Variants in OGFRL1 observed in about 807,000 individuals in gnomAD.
OGFRL1 encodes opioid growth factor receptor like 1.
In OGFRL1, 26 loss-of-function variants were observed where a neutral mutation model predicts 32.4. The observed-to-expected ratio is 0.80, with a 90% confidence interval of 0.59 to 1.11. OGFRL1 has a LOEUF of 1.11. OGFRL1 is among the 50% of genes most tolerant of loss of function. The probability of loss-of-function intolerance (pLI) is 0.00; values close to 1 mark genes in which losing one functional copy is unlikely to be tolerated. For missense variants in OGFRL1, 521 were observed against 546.4 expected, an observed-to-expected ratio of 0.95 and a Z score of 0.46; for synonymous variants, 211 against 201.2, an observed-to-expected ratio of 1.05 and a Z score of -0.41.
At chr6:71,293,719 CTAA>C (rs1766119984) in intron 3 of OGFRL1, 108 bp downstream of exon 3, 2 of 705,386 alleles carry the variant, frequency 2.8e-6, no homozygotes, top group Non-Finnish European at 4.8e-6. Flanking sequence ...GCTATGCAGT[CTAA>C]TGTGTCCCCT....
At position 71,301,553 on chromosome 6, in the gene OGFRL1, T is replaced by C; in HGVS notation, c.860T>C (p.Ile287Thr). 6.2e-7 allele frequency: 1 copy of C among 1,614,134 alleles called. No homozygotes were observed. The highest frequency in any genetic ancestry group is 8.5e-7 in the Non-Finnish European group (1 of 1,180,036). Residue 287 changes from isoleucine to threonine, a missense_variant, in exon 7 of 7, where the codon ATT becomes ACT. Coordinates refer to ENST00000370435, the MANE Select transcript of OGFRL1 (RefSeq NM_024576.5). ...QSALEYFVYT[I>T]RDRRERRKLL... The stretch of plus-strand genomic sequence containing the variant: ...GCTCTAGAGTATTTTGTTTATACAA[T>C]TAGAGACAGAAGAGAAAGGAGAAAG...
chr6:71,290,267 A>G (rs1489501276), intron 1 of OGFRL1, among the ~76,000 whole-genome samples: 1 of 152,280 alleles, frequency 6.6e-6, no homozygotes, highest in African/African-American at 2.4e-5. Context: ...TGCAAACCCA[A>G]GTCTATCTAT....
chr6:71,296,470 A>T, intron 4 of OGFRL1, 25 bp from the exon 5 acceptor site: 1 of 1,595,442 alleles, frequency 6.3e-7, no homozygotes, highest in Non-Finnish European at 8.6e-7. Flanking sequence ...TTAATAGAAA[A>T]ATTTTATTTT....
intron 3 of OGFRL1, among the ~76,000 whole-genome samples, chr6:71,294,221 G>A (rs1022219896): frequency 6.6e-6 from 1 of 152,076 alleles, no homozygotes; most frequent in African/African-American, 2.4e-5. Context: ...AACCCATAGT[G>A]AGAAGATGCA....
chr6:71,301,438 C>G lies in OGFRL1; in HGVS notation c.745C>G (p.Leu249Val). The change falls in exon 7 of 7, where the codon CTT (leucine) becomes GTT (valine). Residue 249 changes from leucine to valine, a missense_variant. Transcript: ENST00000370435. ...TCGTATTCTTAAAAGCCTTGGTGAG[C>G]TTGGATATGAAAGTTTTAAATCTCC... ...ITRILKSLGE[L>V]GYESFKSPLV... 6.2e-7 allele frequency: 1 copy of G among 1,609,712 alleles called. No individual in the cohort carries two copies. The highest frequency in any genetic ancestry group is 8.5e-7 in the Non-Finnish European group (1 of 1,178,826).
In OGFRL1 at chr6:71,307,708, TA is replaced by T. The variant is rs748293397; in HGVS notation, c.*5660del. On this transcript the variant is annotated 3_prime_UTR_variant, in exon 7 of 7. Transcript: ENST00000370435. ...ACTTTGTGTAACAATTTACGTTAAC[TA>T]GAAAAATTAGATATATAATAAGTTT... is the stretch of plus-strand genomic sequence containing the variant. 1 of 152,190 alleles carries T rather than the reference TA, an allele frequency of 6.6e-6. No homozygotes were observed. Among genetic ancestry groups the T allele is most frequent in the Non-Finnish European group, 1.5e-5 (1 of 68,026 alleles). 9.4% of individuals were successfully genotyped at this position (152,190 alleles called of 1,614,324 possible). A position where few individuals can be genotyped will look rare whatever the true frequency, so the allele number is the denominator to read the frequency against.
At position 71,303,320 on chromosome 6, in the gene OGFRL1, A is replaced by G. The variant is rs1322759; in HGVS notation, c.*1271A>G. ...CCCCTACAGATATCAAGGGACCACTATACACATTAGGATGATCTATATTGA... is the reference window on the plus strand; with the variant it reads ...CCCCTACAGATATCAAGGGACCACTGTACACATTAGGATGATCTATATTGA... On this transcript the variant is annotated 3_prime_UTR_variant, in exon 7 of 7. Coordinates refer to ENST00000370435, the MANE Select transcript of OGFRL1 (RefSeq NM_024576.5). 25,384 of 152,186 alleles carry G rather than the reference A, an allele frequency of 0.17. 2,680 individuals carry two copies. Among genetic ancestry groups the G allele is most frequent in the African/African-American group, 0.28 (11,462 of 41,498 alleles). 9.4% of individuals were successfully genotyped at this position (152,186 alleles called of 1,614,324 possible).
Position 71,302,563 on chromosome 6 carries a change from C to T in OGFRL1, c.*514C>T, listed in dbSNP as rs1272044723. On this transcript the variant is annotated 3_prime_UTR_variant, in exon 7 of 7. Transcript: ENST00000370435. Reference sequence around the variant, plus strand: ...CTCGGCTCACTGCAACCTCTGCCTCCTGGACTCAAACGATTCTCCTGCCTC... The same window carrying T: ...CTCGGCTCACTGCAACCTCTGCCTCTTGGACTCAAACGATTCTCCTGCCTC... The T allele has an allele frequency of 6.6e-6, 1 of 152,384 alleles. No homozygotes were observed. Among genetic ancestry groups the T allele is most frequent in the African/African-American group, 2.4e-5 (1 of 41,430 alleles). 9.4% of individuals were successfully genotyped at this position (152,384 alleles called of 1,614,324 possible). A position where few individuals can be genotyped will look rare whatever the true frequency, so the allele number is the denominator to read the frequency against.
intron 6 of OGFRL1, among the ~76,000 whole-genome samples, chr6:71,298,688 T>C (rs1766289296): frequency 6.6e-6 from 1 of 152,302 alleles, no homozygotes; most frequent in South Asian, 2.1e-4. Flanking sequence ...ATAGAGCTTT[T>C]CCAGCTGTGA....
chr6:71,293,554 C>CA lies in OGFRL1; in HGVS notation c.347dup (p.Asn116LysfsTer2). The stretch of plus-strand genomic sequence containing the variant: ...GCAGAACTTCAAAGATATCCGATAT[C>CA]AAAATGACTTGAGCAATCTTCGTTT... On this transcript the variant is annotated frameshift_variant, in exon 3 of 7. Coordinates refer to ENST00000370435, the MANE Select transcript of OGFRL1 (RefSeq NM_024576.5). LOFTEE classifies it high-confidence loss of function. The CA allele has an allele frequency of 1.2e-6, 2 of 1,612,876 alleles. No homozygotes were observed. Among genetic ancestry groups the CA allele is most frequent in the Non-Finnish European group, 1.7e-6 (2 of 1,179,268 alleles).
In OGFRL1 at chr6:71,303,651, T is replaced by C. The variant is rs765005260; in HGVS notation, c.*1602T>C. 1 of 152,212 alleles carries C rather than the reference T, an allele frequency of 6.6e-6. No homozygotes were observed. Among genetic ancestry groups the C allele is most frequent in the Non-Finnish European group, 1.5e-5 (1 of 68,020 alleles). The allele number at this position is 152,212 out of a possible 1,614,324, so 9.4% of individuals were successfully genotyped here. A position where few individuals can be genotyped will look rare whatever the true frequency, so the allele number is the denominator to read the frequency against. ...CTATGGATTACGAAATTAGTAATGT[T>C]GCTTAGCCCAAACGTGTTTTTTAAA... On this transcript the variant is annotated 3_prime_UTR_variant, in exon 7 of 7. Transcript: ENST00000370435.
chr6:71,296,399 AG>A lies in OGFRL1; in HGVS notation c.479+5del. The A allele has an allele frequency of 6.2e-7, 1 of 1,609,586 alleles. No homozygotes were observed. The highest frequency in any genetic ancestry group is 1.7e-5 in the Admixed American group (1 of 59,916). ...ACAACCACACTTACATTCAATGGTC[AG>A]TTACATATTATCTATCTTGAACCAT... On this transcript the variant is annotated splice_donor_5th_base_variant and intron_variant, in intron 4 of 6. Transcript: ENST00000370435.
In OGFRL1 at chr6:71,288,929, C is replaced by G; in HGVS notation, c.-8C>G. On this transcript the variant is annotated 5_prime_UTR_variant, in exon 1 of 7. Transcript: ENST00000370435. The stretch of plus-strand genomic sequence containing the variant: ...CCCCGCAGCCCCGCGCCCGCCGCCG[C>G]CTCTTCAATGGGCAACCTGCTCGGC... 7.4e-7 allele frequency: 1 copy of G among 1,350,476 alleles called. No homozygotes were observed. The highest frequency in any genetic ancestry group is 9.7e-7 in the Non-Finnish European group (1 of 1,034,768). 83.7% of individuals were successfully genotyped at this position (1,350,476 alleles called of 1,614,324 possible).
At chr6:71,297,376 C>T (rs1280967636) in intron 6 of OGFRL1, among the ~76,000 whole-genome samples, 3 of 152,084 alleles carry the variant, frequency 2.0e-5, no homozygotes, top group Non-Finnish European at 4.4e-5. Flanking sequence ...AGTCCCAAAA[C>T]TTATGAAGAA....
chr6:71,296,693 G>A lies in OGFRL1; in HGVS notation c.568G>A (p.Ala190Thr). ...EIEEFKKTKE[A>T]IRRFLLAYKM... is the part of the protein sequence containing the mutation. ...TTAGGAATTCAAAAAAACAAAAGAA[G>A]CAATTAGAAGATTCCTCCTGGCTTA... is the stretch of plus-strand genomic sequence containing the variant. The change falls in exon 6 of 7, where the codon GCA becomes ACA. Residue 190 changes from alanine (A) to threonine (T), a missense_variant. Physicochemically the swap from Ala to Thr is moderately conservative, Grantham distance 58. Transcript: ENST00000370435. 6.2e-7 allele frequency: 1 copy of A among 1,611,030 alleles called. No individual in the cohort carries two copies. Among genetic ancestry groups the A allele is most frequent in the South Asian group, 1.1e-5 (1 of 90,570 alleles).
In OGFRL1 at chr6:71,293,211, T is replaced by G. The variant is rs531118135; in HGVS notation, c.235-82T>G. On this transcript the variant is annotated intron_variant, in intron 1 of 6. Coordinates refer to ENST00000370435, the MANE Select transcript of OGFRL1 (RefSeq NM_024576.5). The stretch of plus-strand genomic sequence containing the variant: ...ACAATTTTCAGGCTTTCTTTATGGA[T>G]CTTCCTTAAGTTTGTTCTGGAAATT... 5,043 of 1,123,928 alleles carry G rather than the reference T, an allele frequency of 4.5e-3. 21 individuals carry two copies. Among genetic ancestry groups the G allele is most frequent in the Non-Finnish European group, 5.8e-3 (4,372 of 750,740 alleles). 69.6% of individuals were successfully genotyped at this position (1,123,928 alleles called of 1,614,324 possible).
At chr6:71,289,375 T>G in intron 1 of OGFRL1, 6 of 984,372 alleles carry the variant, frequency 6.1e-6, no homozygotes, top group Non-Finnish European at 6.0e-6. Context: ...ACCCTCCCAC[T>G]GCCGGCCTGG....
Position 71,304,982 on chromosome 6 carries a change from CTT to C in OGFRL1, c.*2934_*2935del, listed in dbSNP as rs1369499254. ...TCTATAGATATGTATTTATGTGTGT[CTT>C]ATATATGAAACAGTGCTCTGGGTTT... On this transcript the variant is annotated 3_prime_UTR_variant, in exon 7 of 7. Transcript: ENST00000370435. 4 of 151,790 alleles carry C rather than the reference CTT, an allele frequency of 2.6e-5. No individual in the cohort carries two copies. Among genetic ancestry groups the C allele is most frequent in the African/African-American group, 9.7e-5 (4 of 41,390 alleles). The allele number at this position is 151,790 out of a possible 1,614,324, so 9.4% of individuals were successfully genotyped here.
rs1388066017 is a variant in OGFRL1, at chr6:71,308,183, A to G, written c.*6134A>G. 6.6e-6 allele frequency: 1 copy of G among 152,210 alleles called. No individual in the cohort carries two copies. Among genetic ancestry groups the G allele is most frequent in the Non-Finnish European group, 1.5e-5 (1 of 68,032 alleles). The allele number at this position is 152,210 out of a possible 1,614,324, so 9.4% of individuals were successfully genotyped here. On this transcript the variant is annotated 3_prime_UTR_variant, in exon 7 of 7. Coordinates refer to ENST00000370435, the MANE Select transcript of OGFRL1 (RefSeq NM_024576.5). ...GTTGGTAGTTTTACAAGTTAAGTTG[A>G]TGGTCTGGCTGCAGATAAGAGAAAG...
Sources: allele counts gnomAD v4.1 joint callset (sites outside exome capture counted in the v4.1 genomes callset), GRCh38; gene constraint gnomAD v4.1.1; transcripts MANE v1.5; gene names NCBI Gene and HGNC (gene_info 2026-07-23, HGNC 2026-07-21).